EYA1: variants seen among roughly 807,000 people sequenced by gnomAD.
The protein encoded by EYA1 is protein phosphatase EYA1.
EYA1 carries 16 observed loss-of-function variants against 82.0 expected under a neutral mutation model. That is an observed-to-expected ratio of 0.20 (90% CI 0.13 to 0.30). The LOEUF is 0.30. Ranked by LOEUF, EYA1 falls within the 10% of genes least tolerant of loss-of-function variation. The pLI is 1.00. For synonymous variants in EYA1, 261 were observed against 264.4 expected, an observed-to-expected ratio of 0.99 and a Z score of 0.12; for missense variants, 633 against 730.7, an observed-to-expected ratio of 0.87 and a Z score of 1.54.
chr8:71,400,190 A>G (rs998649023), intron 2 of EYA1, among the ~76,000 whole-genome samples: 1 of 151,964 alleles, frequency 6.6e-6, no homozygotes, highest in Non-Finnish European at 1.5e-5. Flanking sequence ...AACTATAAAA[A>G]CCCTAGATGA....
chr8:71,222,864 G>A (rs1810104829), intron 12 of EYA1, among the ~76,000 whole-genome samples: 1 of 152,142 alleles, frequency 6.6e-6, no homozygotes, highest in African/African-American at 2.4e-5. Flanking sequence ...CACGACCTAG[G>A]TTCTTAGAGG....
At chr8:71,453,640 T>G (rs1433378765) in intron 2 of EYA1, among the ~76,000 whole-genome samples, 1 of 152,192 alleles carries the variant, frequency 6.6e-6, no homozygotes, top group Non-Finnish European at 1.5e-5. Flanking sequence ...AAAAGAATTT[T>G]CAACCCAGAA....
In EYA1 at chr8:71,501,925, T is replaced by A. The variant is rs548879836; in HGVS notation, c.33+33819A>T. Among the ~76,000 whole-genome samples the A allele has an allele frequency of 2.0e-5, 3 of 152,352 alleles. No homozygotes were observed. The South Asian group carries it at 6.2e-4, about 32-fold the overall frequency. ...TAGAACAACAGTAAACATTGTATCT[T>A]GTCTCTTTTAACACCATAATTTTTT... On this transcript the variant is annotated intron_variant, in intron 2 of 18. Transcript: ENST00000643681.
Position 71,216,852 on chromosome 8 carries a change from G to A in EYA1, c.1200C>T (p.Ser400=), listed in dbSNP as rs1293823661. The change falls in exon 14 of 18, where the codon AGC becomes AGT. Residue 400 remains serine (S), a splice_region_variant and synonymous_variant. Transcript: ENST00000340726. ...AGCCATCTGTTCCAAAGTTATATGT[G>A]CTATTTATATGCAAGAAAAGCCCAA... is the stretch of plus-strand genomic sequence containing the variant. ...VSSDDNGQDL[S]TYNFGTDGFP... is the part of the protein sequence containing the mutation. 6.2e-7 allele frequency: 1 copy of A among 1,614,094 alleles called. No individual in the cohort carries two copies. Among genetic ancestry groups the A allele is most frequent in the East Asian group, 2.2e-5 (1 of 44,874 alleles).
chr8:71,313,931 T>C (rs1036376351), intron 7 of EYA1, among the ~76,000 whole-genome samples: 1 of 152,228 alleles, frequency 6.6e-6, no homozygotes, highest in African/African-American at 2.4e-5. Context: ...AGTTCTTCTA[T>C]CATTGTAAAA....
intron 12 of EYA1, among the ~76,000 whole-genome samples, chr8:71,217,908 A>G (rs1426073379): frequency 6.6e-6 from 1 of 152,206 alleles, no homozygotes; most frequent in Admixed American, 6.5e-5. Context: ...GCACCCATAT[A>G]TCTTAACCAC....
chr8:71,309,718 T>C (rs555616262), intron 7 of EYA1, among the ~76,000 whole-genome samples: 2 of 152,256 alleles, frequency 1.3e-5, no homozygotes, highest in East Asian at 3.9e-4. Flanking sequence ...GAGAGGCAGA[T>C]CAAAGGAAAC....
chr8:71,343,462 T>C (rs1825374058), intron 3 of EYA1, among the ~76,000 whole-genome samples: 1 of 152,136 alleles, frequency 6.6e-6, no homozygotes, highest in Admixed American at 6.5e-5. Context: ...AATGGGTTCA[T>C]GGATTAATGG....
intron 9 of EYA1, among the ~76,000 whole-genome samples, chr8:71,282,859 A>G (rs1053621903): frequency 6.7e-6 from 1 of 149,892 alleles, no homozygotes; most frequent in African/African-American, 2.5e-5. Context: ...CTGAGTCACC[A>G]CCTCCTGTTA....
At chr8:71,217,063 A>G in intron 12 of EYA1, 40 bp from the exon 13 acceptor site, 1 of 1,494,602 alleles carries the variant, frequency 6.7e-7, no homozygotes, top group Non-Finnish European at 9.3e-7. Context: ...ATTTTTTAAG[A>G]GTACCTAATT....
intron 2 of EYA1, among the ~76,000 whole-genome samples, chr8:71,476,750 G>A (rs1809695911): frequency 1.3e-5 from 2 of 152,058 alleles, no homozygotes; most frequent in African/African-American, 4.8e-5. Flanking sequence ...GGAAATGCAA[G>A]GGACCTGGCA....
intron 11 of EYA1, among the ~76,000 whole-genome samples, chr8:71,262,991 T>A (rs113481177): frequency 0.018 from 2,780 of 152,316 alleles, 79 homozygotes; most frequent in African/African-American, 0.064. Context: ...AGATTGGCCA[T>A]CATCACTCCA....
intron 3 of EYA1, among the ~76,000 whole-genome samples, chr8:71,353,003 A>C (rs2129067032): frequency 6.6e-6 from 1 of 152,312 alleles, no homozygotes; most frequent in African/African-American, 2.4e-5. Flanking sequence ...AAAATTAACT[A>C]CCAGTATTTC....
chr8:71,468,327 T>C (rs962690631), intron 2 of EYA1, among the ~76,000 whole-genome samples: 13 of 152,126 alleles, frequency 8.5e-5, no homozygotes, highest in African/African-American at 3.1e-4. Context: ...CTCCTATCTT[T>C]TGACTTCACA....
intron 12 of EYA1, among the ~76,000 whole-genome samples, chr8:71,230,556 G>T (rs932226633): frequency 6.6e-6 from 1 of 152,190 alleles, no homozygotes; most frequent in African/African-American, 2.4e-5. Flanking sequence ...TCTGAAGCCA[G>T]TCAGGGTTGA....
At chr8:71,477,696 C>A (rs1809777554) in intron 2 of EYA1, among the ~76,000 whole-genome samples, 1 of 152,028 alleles carries the variant, frequency 6.6e-6, no homozygotes, top group South Asian at 2.1e-4. Context: ...CAGGGTTATT[C>A]TACCATATGG....
At chr8:71,423,697 C>T (rs528181692) in intron 2 of EYA1, among the ~76,000 whole-genome samples, 90 of 152,196 alleles carry the variant, frequency 5.9e-4, no homozygotes, top group African/African-American at 2.1e-3. Context: ...ATATACAATA[C>T]CACTATTTAA....
rs1585718635 is a variant in EYA1, at chr8:71,199,557, T to C, written c.1699-137A>G. 3 of 690,284 alleles carry C rather than the reference T, an allele frequency of 4.3e-6. No homozygotes were observed. The African/African-American group carries it at 5.3e-5, about 12-fold the overall frequency. The allele number at this position is 690,284 out of a possible 1,614,324, so 42.8% of individuals were successfully genotyped here. On this transcript the variant is annotated intron_variant, in intron 17 of 17. Coordinates refer to ENST00000340726, the MANE Select transcript of EYA1 (RefSeq NM_000503.6). ...CCAGCTAACATCTTAACATCACATC[T>C]GTTTAAAACAAAAATTCAAACTCAA...
intron 11 of EYA1, among the ~76,000 whole-genome samples, chr8:71,248,076 A>G (rs1282355655): frequency 6.6e-6 from 1 of 152,240 alleles, no homozygotes; most frequent in Non-Finnish European, 1.5e-5. Flanking sequence ...AATTACAGTA[A>G]TGACTTGCTA....
Sources: allele counts gnomAD v4.1 joint callset (sites outside exome capture counted in the v4.1 genomes callset), GRCh38; gene constraint gnomAD v4.1.1; transcripts MANE v1.5; gene names NCBI Gene and HGNC (gene_info 2026-07-23, HGNC 2026-07-21).